Variants in BICD1 observed in about 807,000 individuals in gnomAD.
BICD1 encodes protein bicaudal D homolog 1.
A neutral mutation model predicts 92.5 loss-of-function variants in BICD1; 35 were observed. The ratio of observed to expected loss-of-function variants is 0.38; its 90% confidence interval spans 0.29 to 0.50. BICD1 has a LOEUF of 0.50. BICD1 is among the 20% of genes least tolerant of loss of function. The pLI is 0.93. For missense variants in BICD1, 950 were observed against 1,189.8 expected (o/e 0.80, Z 2.97); for synonymous variants, 429 against 465.1 (o/e 0.92, Z 1.00).
intron 2 of BICD1, among the ~76,000 whole-genome samples, chr12:32,267,278 T>C (rs761911941): frequency 2.0e-5 from 3 of 152,248 alleles, no homozygotes; most frequent in Non-Finnish European, 4.4e-5. Context: ...TACAATGAAC[T>C]GTAATTAAAT....
At chr12:32,210,723 A>T (rs890840128) in intron 1 of BICD1, among the ~76,000 whole-genome samples, 2 of 152,238 alleles carry the variant, frequency 1.3e-5, no homozygotes, top group Admixed American at 1.3e-4. Flanking sequence ...AACTTATTTT[A>T]AACAAAAATT....
At chr12:32,330,993 G>T (rs1043453789) in intron 5 of BICD1, among the ~76,000 whole-genome samples, 1 of 152,156 alleles carries the variant, frequency 6.6e-6, no homozygotes, top group African/African-American at 2.4e-5. Context: ...AATTAACCAG[G>T]CGTGGTGGCG....
rs1423205149 is a variant in BICD1, at chr12:32,207,247, C to CTA, written c.214-8999_214-8998insAT. 6.3e-4 allele frequency among the ~76,000 whole-genome samples: 5 copies of CTA among 7,890 alleles called. No homozygotes were observed. The Non-Finnish European group carries it at 0.011, about 18-fold the overall frequency. 5.2% of individuals were successfully genotyped at this position (7,890 alleles called of 152,430 possible). Reference sequence around the variant, plus strand: ...TATGTAACCACAAAATACAAAAAAACTCTCAACAGTTGACAAGGGAGTTTA... The same window carrying CTA: ...TATGTAACCACAAAATACAAAAAAACTATCTCAACAGTTGACAAGGGAGTTTA... On this transcript the variant is annotated intron_variant, in intron 1 of 9. Transcript: ENST00000652176.
At position 32,192,080 on chromosome 12, in the gene BICD1, G is replaced by A. The variant is rs570666676; in HGVS notation, c.214-24167G>A. The stretch of plus-strand genomic sequence containing the variant: ...GCCTATTGTGTCAAACAGTCAAGTT[G>A]TGAAGGCCAAGAAACGTTCTTGAAG... On this transcript the variant is annotated intron_variant, in intron 1 of 9. Transcript: ENST00000652176. Among the ~76,000 whole-genome samples, 5 of 152,294 alleles carry A rather than the reference G, an allele frequency of 3.3e-5. No homozygotes were observed. In the South Asian group the frequency reaches 1.0e-3, roughly 32 times the overall value.
intron 1 of BICD1, among the ~76,000 whole-genome samples, chr12:32,110,624 G>A (rs1217257146): frequency 6.6e-6 from 1 of 152,180 alleles, no homozygotes; most frequent in Non-Finnish European, 1.5e-5. Flanking sequence ...ACGTAAATCA[G>A]CACTGTGCGC....
chr12:32,339,815 A>C, intron 8 of BICD1: 1 of 983,722 alleles, frequency 1.0e-6, no homozygotes, highest in Non-Finnish European at 1.2e-6. Flanking sequence ...AAACTATTTA[A>C]GTTAGTTATT....
At chr12:32,112,913 A>G (rs1260708) in intron 1 of BICD1, among the ~76,000 whole-genome samples, 131,175 of 152,170 alleles carry the variant, frequency 0.86, 56,930 homozygotes, top group African/African-American at 0.96. Flanking sequence ...TACAAGCCTC[A>G]CCTCTAATTC....
rs1041850691 is a variant in BICD1 at position 32,220,541 on chromosome 12, G to A, written c.426+4082G>A. ...GAGAAATGCAAATCAAAACCACAATGAGATACCATCTCACACCAATTAGAA... is the reference window on the plus strand; with the variant it reads ...GAGAAATGCAAATCAAAACCACAATAAGATACCATCTCACACCAATTAGAA... On this transcript the variant is annotated intron_variant, in intron 2 of 9. Coordinates refer to ENST00000652176, the MANE Select transcript of BICD1 (RefSeq NM_001714.4). Among the ~76,000 whole-genome samples the A allele has an allele frequency of 8.6e-4, 130 of 151,530 alleles. 1 individual carries two copies. The highest frequency in any genetic ancestry group is 1.6e-3 in the Non-Finnish European group (108 of 67,758).
rs1290366943 is a variant in BICD1 at position 32,337,557 on chromosome 12, G to A, written c.2311G>A (p.Asp771Asn). 22 of 1,614,196 alleles carry A rather than the reference G, an allele frequency of 1.4e-5. No homozygotes were observed. The highest frequency in any genetic ancestry group is 1.9e-5 in the Non-Finnish European group (22 of 1,180,026). ...EMQRQLAAAE[D>N]EKKTLNTLLR... ...GCAGAGACAGTTAGCAGCTGCAGAGGATGAGAAGAAGACTCTGAACACTTT... is the reference window on the plus strand; with the variant it reads ...GCAGAGACAGTTAGCAGCTGCAGAGAATGAGAAGAAGACTCTGAACACTTT... The change falls in exon 7 of 10, where the codon GAT becomes AAT. Residue 771 changes from aspartate to asparagine, a missense_variant. Around this residue, in one of 5 missense-constraint regions of BICD1, gnomAD observed 309 missense variants for 499.4 expected, o/e 0.62. Transcript: ENST00000652176. The surrounding 1 kb of genome is among the most constrained non-coding windows in gnomAD (Gnocchi z 4.7).
At chr12:32,141,610 A>G (rs1276039733) in intron 1 of BICD1, among the ~76,000 whole-genome samples, 1 of 151,994 alleles carries the variant, frequency 6.6e-6, no homozygotes, top group African/African-American at 2.4e-5. Context: ...AGTAGCTCGG[A>G]GTACAGGCGC....
At chr12:32,235,470 AT>A (rs368010956) in intron 2 of BICD1, among the ~76,000 whole-genome samples, 2 of 150,354 alleles carry the variant, frequency 1.3e-5, no homozygotes, top group African/African-American at 4.9e-5. Flanking sequence ...CTTTATGGCT[AT>A]TTTTTTTTCC....
intron 6 of BICD1, among the ~76,000 whole-genome samples, chr12:32,335,987 C>G (rs759890961): frequency 1.9e-4 from 29 of 152,088 alleles, no homozygotes; most frequent in Non-Finnish European, 3.4e-4. Flanking sequence ...TTACATTTGG[C>G]TGATACATGT....
intron 2 of BICD1, among the ~76,000 whole-genome samples, chr12:32,243,569 G>A (rs1223153909): frequency 6.6e-6 from 1 of 151,834 alleles, no homozygotes; most frequent in Non-Finnish European, 1.5e-5. Context: ...TCTACTACTT[G>A]TGTGTGCCAA....
intron 2 of BICD1, among the ~76,000 whole-genome samples, chr12:32,252,629 A>G (rs1381545708): frequency 6.6e-6 from 1 of 152,152 alleles, no homozygotes; most frequent in Non-Finnish European, 1.5e-5. Context: ...TTAAAGGTTT[A>G]CGAGATTTGC....
intron 4 of BICD1, among the ~76,000 whole-genome samples, chr12:32,306,461 G>C (rs552652687): frequency 2.3e-4 from 35 of 151,988 alleles, no homozygotes; most frequent in East Asian, 1.0e-3. Flanking sequence ...AGCCAGGATG[G>C]TCTCGATCTC....
chr12:32,187,053 G>C (rs1944439489), intron 1 of BICD1, among the ~76,000 whole-genome samples: 1 of 152,152 alleles, frequency 6.6e-6, no homozygotes. Flanking sequence ...TATGGGCTTA[G>C]ATTAATCACC....
intron 8 of BICD1, among the ~76,000 whole-genome samples, chr12:32,361,240 G>A (rs994746840): frequency 5.3e-5 from 8 of 152,132 alleles, no homozygotes; most frequent in African/African-American, 1.7e-4. Context: ...ACGAGTGAGG[G>A]AAATTGACAT....
chr12:32,123,816 G>A (rs1942237299), intron 1 of BICD1, among the ~76,000 whole-genome samples: 1 of 151,964 alleles, frequency 6.6e-6, no homozygotes, highest in African/African-American at 2.4e-5. Flanking sequence ...GATGGAGGTT[G>A]CAGTGAGCCG....
chr12:32,297,730 TTTAG>T (rs928967774), intron 3 of BICD1, among the ~76,000 whole-genome samples: 2 of 152,214 alleles, frequency 1.3e-5, no homozygotes, highest in African/African-American at 4.8e-5. Context: ...TTATTTTTCT[TTTAG>T]TTATTTATTA....
Sources: allele counts gnomAD v4.1 joint callset (sites outside exome capture counted in the v4.1 genomes callset), GRCh38; gene constraint gnomAD v4.1.1; regional missense constraint gnomAD v4.1.1; non-coding constraint Gnocchi (gnomAD v3.1); transcripts MANE v1.5; gene names NCBI Gene and HGNC (gene_info 2026-07-23, HGNC 2026-07-21).